LRRC27: variants seen among roughly 807,000 people sequenced by gnomAD.
LRRC27 encodes leucine-rich repeat-containing protein 27.
LRRC27 carries 57 observed loss-of-function variants against 55.0 expected under a neutral mutation model. The observed-to-expected ratio is 1.04, with a 90% CI of 0.84 to 1.29. LRRC27 has a LOEUF of 1.29. LRRC27 is among the 50% of genes most tolerant of loss of function. The pLI, the probability that LRRC27 is intolerant of heterozygous loss-of-function variation, is 0.00. For synonymous variants in LRRC27, 278 were observed against 251.9 expected (o/e 1.10, Z -0.98); for missense variants, 721 against 651.5 (o/e 1.11, Z -1.16).
chr10:132,348,213 C>T lies in LRRC27; in HGVS notation c.783C>T (p.Arg261=). The stretch of plus-strand genomic sequence containing the variant: ...GGCCCAGCGAGGAGGAGATCAGGCG[C>T]TTTTGGAAGCTGAGGCAGGAGATTG... The part of the protein sequence containing the change: ...ENWPSEEEIR[R]FWKLRQEIVE... Residue 261 remains arginine, a synonymous_variant, in exon 6 of 11, where the codon CGC becomes CGT. Coordinates refer to ENST00000368614, the MANE Select transcript of LRRC27 (RefSeq NM_030626.3). This position sits in a 1 kb window ranked among gnomAD's most constrained non-coding sequence, Gnocchi z 4.2. 6 of 1,614,028 alleles carry T rather than the reference C, an allele frequency of 3.7e-6. No homozygotes were observed. The highest frequency in any genetic ancestry group is 5.1e-6 in the Non-Finnish European group (6 of 1,180,016).
intron 8 of LRRC27, among the ~76,000 whole-genome samples, chr10:132,356,637 C>G (rs910158048): frequency 2.6e-5 from 4 of 152,128 alleles, no homozygotes; most frequent in Non-Finnish European, 5.9e-5. Flanking sequence ...ATTGCCAGCT[C>G]TTAAGCTATG....
chr10:132,375,102 T>G lies in LRRC27; in HGVS notation c.1453T>G (p.Leu485Val), dbSNP rs937925744. 2 of 1,613,708 alleles carry G rather than the reference T, an allele frequency of 1.2e-6. No individual in the cohort carries two copies. The highest frequency in any genetic ancestry group is 2.7e-5 in the African/African-American group (2 of 74,912). Residue 485 changes from leucine to valine, a missense_variant, in exon 11 of 11, where the codon TTG becomes GTG. Physicochemically the swap from Leu to Val is conservative, Grantham distance 32. Transcript: ENST00000368614. ...ELQDEVLKLK[L>V]GLTLNKDRRR... ...ACAGGATGAAGTATTGAAGCTAAAA[T>G]TGGGATTAACCTTGAACAAAGATCG...
Position 132,355,847 on chromosome 10 carries a change from G to A in LRRC27, c.1131G>A (p.Lys377=), listed in dbSNP as rs1350485883. The change falls in exon 8 of 11, where the codon AAG becomes AAA. Residue 377 remains lysine, a synonymous_variant. Coordinates refer to ENST00000368614, the MANE Select transcript of LRRC27 (RefSeq NM_030626.3). ...RERAQRMRKR[K]EELSKLLPPR... ...GAGCCCAGAGGATGAGGAAGAGGAA[G>A]GAAGAGCTCAGCAAACTCCTGCCTC... is the stretch of plus-strand genomic sequence containing the variant. The A allele has an allele frequency of 9.0e-6, 14 of 1,558,968 alleles. No individual in the cohort carries two copies. Among genetic ancestry groups the A allele is most frequent in the Admixed American group, 1.9e-5 (1 of 52,052 alleles).
chr10:132,344,683 T>G (rs2067591280), intron 5 of LRRC27, 33 bp downstream of exon 5: 1 of 1,604,944 alleles, frequency 6.2e-7, no homozygotes, highest in African/African-American at 1.3e-5. Context: ...CAAATCACAT[T>G]AACGTTGAAG....
rs746195377 is a variant in LRRC27, at chr10:132,337,709, G to C, written c.341+14G>C. 7 of 1,611,456 alleles carry C rather than the reference G, an allele frequency of 4.3e-6. No individual in the cohort carries two copies. The highest frequency in any genetic ancestry group is 5.9e-6 in the Non-Finnish European group (7 of 1,178,738). On this transcript the variant is annotated intron_variant, in intron 3 of 10. Transcript: ENST00000368614. ...TGGAGCTCACCAGTAAGTTGTTTAT[G>C]TTTCCAGATTTTAAAAATCATCTTT...
chr10:132,349,005 G>C lies in LRRC27; in HGVS notation c.926+649G>C, dbSNP rs747838365. 6 of 1,611,588 alleles carry C rather than the reference G, an allele frequency of 3.7e-6. No individual in the cohort carries two copies. In the South Asian group the frequency reaches 6.6e-5, roughly 18 times the overall value. On this transcript the variant is annotated intron_variant, in intron 6 of 10. Coordinates refer to ENST00000368614, the MANE Select transcript of LRRC27 (RefSeq NM_030626.3). ...AACAGGCTCTGCAGAGACTACATGA[G>C]AGAAAAACTCGAATCATGGGCGTGG...
At chr10:132,359,702 G>A (rs947009853) in intron 8 of LRRC27, among the ~76,000 whole-genome samples, 7 of 152,382 alleles carry the variant, frequency 4.6e-5, no homozygotes, top group Non-Finnish European at 8.8e-5. Flanking sequence ...TGAAAGGGCT[G>A]CAGAGCTAAA....
chr10:132,344,430 T>C (rs2067573173), intron 4 of LRRC27, 68 bp from the exon 5 acceptor site: 2 of 1,466,640 alleles, frequency 1.4e-6, no homozygotes, highest in Middle Eastern at 3.6e-4. Flanking sequence ...GTTACTATTA[T>C]TTATTCCTCA....
intron 4 of LRRC27, 128 bp from the exon 5 acceptor site, chr10:132,344,370 C>G (rs1172026103): frequency 2.0e-6 from 2 of 994,746 alleles, no homozygotes; most frequent in African/African-American, 3.2e-5. Context: ...CATCTGTTAA[C>G]GTGATTTTCC....
intron 3 of LRRC27, 125 bp from the exon 4 acceptor site, chr10:132,342,088 T>G (rs1355127509): frequency 3.2e-6 from 2 of 622,828 alleles, no homozygotes; most frequent in Non-Finnish European, 5.5e-6. Context: ...TGTTGTAAAT[T>G]TAAGTGTATC....
chr10:132,330,430 C>A, upstream of LRRC27: 1 of 717,294 alleles, frequency 1.4e-6, no homozygotes, highest in Non-Finnish European at 2.6e-6. Context: ...CTTGCTCTGC[C>A]CGGGTGGCTG....
At chr10:132,366,792 C>T (rs1368886444) in intron 10 of LRRC27, 1 of 1,186,224 alleles carries the variant, frequency 8.4e-7, no homozygotes, top group Non-Finnish European at 1.1e-6. Flanking sequence ...CCTGTCCCCA[C>T]ACCCCATCTG....
At chr10:132,332,727 C>G (rs1033108663) in intron 1 of LRRC27, among the ~76,000 whole-genome samples, 1 of 149,572 alleles carries the variant, frequency 6.7e-6, no homozygotes, top group Non-Finnish European at 1.5e-5. Flanking sequence ...GGTGTCGCCT[C>G]TACCCCCCAA....
At chr10:132,360,974 C>T (rs1394275156) in intron 8 of LRRC27, among the ~76,000 whole-genome samples, 1 of 152,212 alleles carries the variant, frequency 6.6e-6, no homozygotes, top group African/African-American at 2.4e-5. Flanking sequence ...GTCACGCCGC[C>T]GTTGGGGTGC....
intron 3 of LRRC27, among the ~76,000 whole-genome samples, chr10:132,338,890 A>G (rs2067257465): frequency 6.6e-6 from 1 of 151,824 alleles, no homozygotes; most frequent in African/African-American, 2.4e-5. Flanking sequence ...TTGCATTTTT[A>G]GTAGAAACGG....
rs550201958 is a variant in LRRC27, at chr10:132,349,933, C to T, written c.926+1577C>T. Among the ~76,000 whole-genome samples, 4 of 152,314 alleles carry T rather than the reference C, an allele frequency of 2.6e-5. No homozygotes were observed. The East Asian group carries it at 7.7e-4, about 29-fold the overall frequency. ...TGCATTATCAGGGCCTCAGTTTCCC[C>T]ACTTGGTCAGGTTGTCGTGGGGTCA... On this transcript the variant is annotated intron_variant, in intron 6 of 10. Transcript: ENST00000368614.
intron 8 of LRRC27, 95 bp downstream of exon 8, chr10:132,355,981 C>T: frequency 1.2e-6 from 1 of 859,408 alleles, no homozygotes; most frequent in East Asian, 3.0e-5. Flanking sequence ...TGAGCCGAGA[C>T]CTGGGGGTGT....
intron 7 of LRRC27, chr10:132,352,962 T>G (rs1044560667): frequency 3.7e-6 from 6 of 1,613,876 alleles, no homozygotes; most frequent in Non-Finnish European, 5.1e-6. Context: ...TTGCTGTGAC[T>G]GCCGCCAGTG....
Position 132,348,875 on chromosome 10 carries a change from G to C in LRRC27, c.926+519G>C, listed in dbSNP as rs146952484. The stretch of plus-strand genomic sequence containing the variant: ...GCTGCCTGGGGACAAAAGGAAGGCA[G>C]TCATTGTGTGGCCCACTTCCAAAGC... On this transcript the variant is annotated intron_variant, in intron 6 of 10. Coordinates refer to ENST00000368614, the MANE Select transcript of LRRC27 (RefSeq NM_030626.3). This position sits in a 1 kb window ranked among gnomAD's most constrained non-coding sequence, Gnocchi z 4.2. 2.4e-5 allele frequency: 21 copies of C among 879,828 alleles called. No homozygotes were observed. The highest frequency in any genetic ancestry group is 3.8e-5 in the Non-Finnish European group (21 of 551,926). 54.5% of individuals were successfully genotyped at this position (879,828 alleles called of 1,614,324 possible).
Sources: gnomAD v4.1 joint callset for allele counts (sites outside exome capture counted in the v4.1 genomes callset) on GRCh38, gnomAD v4.1.1 for gene constraint, Gnocchi (gnomAD v3.1) non-coding constraint, MANE v1.5 for transcripts, NCBI Gene and HGNC (gene_info 2026-07-23, HGNC 2026-07-21) for gene names.